PCDHA3: variants seen among roughly 807,000 people sequenced by gnomAD.
PCDHA3 encodes protocadherin alpha 3, also known as protocadherin alpha-3.
Under a neutral mutation model 62.2 loss-of-function variants are expected in PCDHA3, and 41 were observed. The ratio of observed to expected loss-of-function variants is 0.66; its 90% confidence interval spans 0.51 to 0.86. The LOEUF (loss-of-function observed/expected upper bound fraction) is 0.86, where lower values mean the gene tolerates loss of function less well. PCDHA3 is among the 40% of genes least tolerant of loss of function. The pLI, the probability that PCDHA3 is intolerant of heterozygous loss-of-function variation, is 0.00. For synonymous variants in PCDHA3, 640 were observed against 555.4 expected (o/e 1.15, Z -2.14); for missense variants, 1,304 against 1,241.2 (o/e 1.05, Z -0.76).
At chr5:140,820,539 T>C (rs2150107248) in intron 1 of PCDHA3, among the ~76,000 whole-genome samples, 105 of 152,156 alleles carry the variant, frequency 6.9e-4, no homozygotes, top group African/African-American at 2.4e-3. Flanking sequence ...ATTTCTTCAA[T>C]AGAAAACTTG....
chr5:140,870,132 C>G (rs371110623), intron 1 of PCDHA3: 2 of 1,613,970 alleles, frequency 1.2e-6, no homozygotes, highest in East Asian at 2.2e-5. Flanking sequence ...TGGACACCAA[C>G]GATAACTCTC....
chr5:140,805,293 A>G, intron 1 of PCDHA3: 1 of 1,272,316 alleles, frequency 7.9e-7, no homozygotes, highest in East Asian at 3.3e-5. Flanking sequence ...ATGGGTGAAA[A>G]TGGAATTCTT....
intron 1 of PCDHA3, chr5:140,805,108 C>T (rs1763510093): frequency 2.5e-6 from 4 of 1,590,030 alleles, no homozygotes; most frequent in Non-Finnish European, 3.4e-6. Context: ...AAACTATTGT[C>T]TAACAAGACT....
intron 1 of PCDHA3, chr5:140,966,689 G>A (rs1002366053): frequency 2.2e-6 from 3 of 1,343,650 alleles, no homozygotes; most frequent in Non-Finnish European, 2.9e-6. Context: ...GAGCGGAGGC[G>A]GGGCCCGGGC....
At chr5:140,883,052 A>G (rs1554176592) in intron 1 of PCDHA3, 1 of 1,614,134 alleles carries the variant, frequency 6.2e-7, no homozygotes, top group East Asian at 2.2e-5. Flanking sequence ...AACATTAGTG[A>G]TCAAGCTAAA....
At chr5:140,914,097 A>G (rs191641220) in intron 1 of PCDHA3, among the ~76,000 whole-genome samples, 38 of 152,298 alleles carry the variant, frequency 2.5e-4, no homozygotes, top group Admixed American at 9.2e-4. Flanking sequence ...AATTTGTTCT[A>G]TAGTGCAGAT....
At chr5:140,994,433 T>G (rs2097622592) in intron 3 of PCDHA3, among the ~76,000 whole-genome samples, 1 of 152,204 alleles carries the variant, frequency 6.6e-6, no homozygotes, top group African/African-American at 2.4e-5. Flanking sequence ...CCGGGCGCAG[T>G]GGCTCACACC....
At chr5:140,875,723 T>G in intron 1 of PCDHA3, 1 of 1,614,194 alleles carries the variant, frequency 6.2e-7, no homozygotes, top group South Asian at 1.1e-5. Context: ...AATGGCATTT[T>G]GTTTGTGAAT....
chr5:141,003,273 G>A (rs782391603), intron 3 of PCDHA3, among the ~76,000 whole-genome samples: 5 of 152,214 alleles, frequency 3.3e-5, no homozygotes, highest in Admixed American at 6.5e-5. Context: ...TAAGGGAAGT[G>A]CCCAAATTGG....
In PCDHA3 at chr5:140,856,537, G is replaced by T. The variant is rs782543512; in HGVS notation, c.2394+52946G>T. 18 of 1,598,256 alleles carry T rather than the reference G, an allele frequency of 1.1e-5. 3 individuals carry two copies. The highest frequency in any genetic ancestry group is 1.5e-5 in the Non-Finnish European group (18 of 1,167,836). ...GCGCATCTGATGCGGATGTTGGAGA[G>T]AACGCATTGCTTACTTACAAACTCA... On this transcript the variant is annotated intron_variant, in intron 1 of 3. Coordinates refer to ENST00000522353, the MANE Select transcript of PCDHA3 (RefSeq NM_018906.3).
chr5:140,917,449 C>T (rs1290889939), intron 1 of PCDHA3, among the ~76,000 whole-genome samples: 2 of 152,006 alleles, frequency 1.3e-5, no homozygotes, highest in Admixed American at 6.6e-5. Context: ...GCTGCAAGAG[C>T]GTTTGGCATC....
intron 3 of PCDHA3, among the ~76,000 whole-genome samples, chr5:140,983,433 G>A (rs1306046524): frequency 1.3e-5 from 2 of 152,208 alleles, no homozygotes; most frequent in African/African-American, 4.8e-5. Context: ...CACAAATTGT[G>A]TCTACTCTAA....
chr5:140,925,935 CTCTTGGAG>C (rs35448813), intron 1 of PCDHA3, among the ~76,000 whole-genome samples: 7,062 of 152,190 alleles, frequency 0.046, 287 homozygotes, highest in African/African-American at 0.11. Context: ...CAAGTAGAGC[CTCTTGGAG>C]AAGGAGAAAC....
At chr5:140,869,126 G>A in intron 1 of PCDHA3, 4 of 1,611,734 alleles carry the variant, frequency 2.5e-6, no homozygotes, top group Non-Finnish European at 3.4e-6. Context: ...CAGAGAAGGG[G>A]ATTGGGCACC....
At chr5:140,953,333 G>T (rs1164031991) in intron 1 of PCDHA3, among the ~76,000 whole-genome samples, 1 of 151,962 alleles carries the variant, frequency 6.6e-6, no homozygotes, top group East Asian at 1.9e-4. Flanking sequence ...TAGAATTTAG[G>T]GCTCACCTTC....
intron 1 of PCDHA3, among the ~76,000 whole-genome samples, chr5:140,890,543 C>T (rs1388914629): frequency 6.6e-6 from 1 of 152,012 alleles, no homozygotes; most frequent in Non-Finnish European, 1.5e-5. Context: ...TTTGAAATGA[C>T]TGAGTACTTT....
At chr5:140,824,160 C>T (rs1554129772) in intron 1 of PCDHA3, 4 of 1,611,272 alleles carry the variant, frequency 2.5e-6, no homozygotes, top group African/African-American at 2.7e-5. Context: ...CCATCTTTCC[C>T]TCCCAATTTT....
intron 1 of PCDHA3, chr5:140,856,598 A>C: frequency 6.3e-7 from 1 of 1,597,872 alleles, no homozygotes; most frequent in East Asian, 2.2e-5. Context: ...TATTATAAAC[A>C]AAAAAGACAA....
In PCDHA3 at chr5:140,870,432, G is replaced by A. The variant is rs368823990; in HGVS notation, c.2394+66841G>A. On this transcript the variant is annotated intron_variant, in intron 1 of 3. Transcript: ENST00000522353. ...GGGCCACGGCCAGGGTATCCGTGGAGGTGGCCGACGTGAACGACAATGCGC... is the reference window on the plus strand; with the variant it reads ...GGGCCACGGCCAGGGTATCCGTGGAAGTGGCCGACGTGAACGACAATGCGC... 721 of 1,614,252 alleles carry A rather than the reference G, an allele frequency of 4.5e-4. 4 individuals carry two copies. In the African/African-American group the frequency reaches 8.4e-3, roughly 19 times the overall value.
Sources: allele counts gnomAD v4.1 joint callset (sites outside exome capture counted in the v4.1 genomes callset), GRCh38; gene constraint gnomAD v4.1.1; transcripts MANE v1.5; gene names NCBI Gene and HGNC (gene_info 2026-07-23, HGNC 2026-07-21).